Variants in SLC12A6 observed in about 807,000 individuals in gnomAD.
SLC12A6 encodes K-Cl cotransporter 3.
A neutral mutation model predicts 135.3 loss-of-function variants in SLC12A6; 66 were observed. That is an observed-to-expected ratio of 0.49 (90% confidence interval 0.40 to 0.60). The LOEUF is 0.60. SLC12A6 is among the 20% of genes least tolerant of loss of function. The probability of loss-of-function intolerance (pLI) is 0.00; values close to 1 mark genes in which losing one functional copy is unlikely to be tolerated. For synonymous variants in SLC12A6, 513 were observed against 508.8 expected, an observed-to-expected ratio of 1.01 and a Z score of -0.11; for missense variants, 1,058 against 1,452.3, an observed-to-expected ratio of 0.73 and a Z score of 4.41.
intron 23 of SLC12A6, 57 bp downstream of exon 23, chr15:34,236,651 C>T (rs1377520930): frequency 1.9e-6 from 2 of 1,049,800 alleles, no homozygotes; most frequent in Non-Finnish European, 3.0e-6. Context: ...CCAGTATCAT[C>T]CCTTTCAGTG....
rs1158701066 is a variant in SLC12A6, at chr15:34,239,100, C to T, written c.2497G>A (p.Ala833Thr). ...VKGFCQLVVA[A>T]KLREGISHLI... ...TGGGAAATGCCCTCTCTCAGCTTGG[C>T]GGCCACCACCAGCTGGCAGAATCCT... The change falls in exon 20 of 26, where the codon GCC becomes ACC. Residue 833 changes from alanine (A) to threonine (T), a missense_variant. Coordinates refer to ENST00000354181, the MANE Select transcript of SLC12A6 (RefSeq NM_001365088.1). The T allele has an allele frequency of 1.5e-5, 25 of 1,613,846 alleles. No individual in the cohort carries two copies. Among genetic ancestry groups the T allele is most frequent in the South Asian group, 1.1e-4 (10 of 91,080 alleles).
intron 2 of SLC12A6, among the ~76,000 whole-genome samples, chr15:34,309,287 G>A (rs1887983230): frequency 1.3e-5 from 2 of 152,134 alleles, no homozygotes; most frequent in African/African-American, 4.8e-5. Flanking sequence ...AATTCAGCCC[G>A]AAATTTAAAA....
chr15:34,295,809 A>G (rs1256020094), intron 2 of SLC12A6, among the ~76,000 whole-genome samples: 3 of 152,076 alleles, frequency 2.0e-5, no homozygotes, highest in African/African-American at 7.2e-5. Context: ...GACTAGCCTG[A>G]CCAACATAGA....
intron 2 of SLC12A6, among the ~76,000 whole-genome samples, chr15:34,329,383 A>G (rs8031147): frequency 0.19 from 28,181 of 152,272 alleles, 2,921 homozygotes; most frequent in East Asian, 0.33. Context: ...TGCCTTAAAC[A>G]TCAGCATTAG....
chr15:34,294,592 G>A lies in SLC12A6; in HGVS notation c.272-19203C>T, dbSNP rs187420307. 2.2e-3 allele frequency among the ~76,000 whole-genome samples: 338 copies of A among 151,750 alleles called. 3 individuals are homozygous for A. The highest frequency in any genetic ancestry group is 8.0e-3 in the African/African-American group (331 of 41,372). Reference sequence around the variant, plus strand: ...TTTTTAATTTTATTTTTAAGATACAGGGTCTTGTTCTGTTGCTCATGATTG... The same window carrying A: ...TTTTTAATTTTATTTTTAAGATACAAGGTCTTGTTCTGTTGCTCATGATTG... On this transcript the variant is annotated intron_variant, in intron 2 of 25. Coordinates refer to ENST00000354181, the MANE Select transcript of SLC12A6 (RefSeq NM_001365088.1).
Position 34,252,234 on chromosome 15 carries a change from G to A in SLC12A6, c.1269C>T (p.Tyr423=), listed in dbSNP as rs114911287. The A allele has an allele frequency of 1.0e-3, 1,636 of 1,608,434 alleles. 17 individuals carry two copies. In the African/African-American group the frequency reaches 0.02, roughly 20 times the overall value. Residue 423 remains tyrosine (Y), a synonymous_variant, in exon 10 of 26, where the codon TAC becomes TAT. Coordinates refer to ENST00000354181, the MANE Select transcript of SLC12A6 (RefSeq NM_001365088.1). ...TTGAAGTGACGTTATTGTGAACAAA[G>A]TATTCATCACAGGTGGCATTGAAAA... ...SQFFNATCDE[Y]FVHNNVTSIQ...
At chr15:34,310,401 ACTC>A (rs1471511365) in intron 2 of SLC12A6, among the ~76,000 whole-genome samples, 3 of 59,272 alleles carry the variant, frequency 5.1e-5, no homozygotes, top group Admixed American at 2.4e-4. Context: ...CTGGTGTTGA[ACTC>A]CTGGGCTCAA....
At chr15:34,241,617 A>G (rs1184553110) in intron 17 of SLC12A6, among the ~76,000 whole-genome samples, 1 of 152,230 alleles carries the variant, frequency 6.6e-6, no homozygotes, top group Non-Finnish European at 1.5e-5. Flanking sequence ...AATGTAAAAG[A>G]GCAATTTAGA....
intron 2 of SLC12A6, among the ~76,000 whole-genome samples, chr15:34,310,122 C>T (rs1888048579): frequency 6.6e-6 from 1 of 151,844 alleles, no homozygotes; most frequent in Non-Finnish European, 1.5e-5. Context: ...AATCCTCCCA[C>T]CTCAGCCTTC....
intron 25 of SLC12A6, among the ~76,000 whole-genome samples, chr15:34,234,535 C>A (rs958153429): frequency 1.3e-5 from 2 of 152,090 alleles, no homozygotes; most frequent in Non-Finnish European, 2.9e-5. Flanking sequence ...CCACACCCAG[C>A]TAACTTTTCT....
chr15:34,309,230 AAATT>A (rs1887978640), intron 2 of SLC12A6, among the ~76,000 whole-genome samples: 1 of 152,208 alleles, frequency 6.6e-6, no homozygotes, highest in Non-Finnish European at 1.5e-5. Flanking sequence ...TCGATTCTTT[AAATT>A]TACCAGCTTA....
At chr15:34,256,138 T>C in intron 7 of SLC12A6, 91 bp downstream of exon 7, 1 of 822,052 alleles carries the variant, frequency 1.2e-6, no homozygotes, top group Non-Finnish European at 2.2e-6. Context: ...CAAATAGTAT[T>C]CTATTCTTCA....
chr15:34,282,724 C>CTCAT (rs1894769362), intron 2 of SLC12A6, among the ~76,000 whole-genome samples: 2 of 151,832 alleles, frequency 1.3e-5, no homozygotes, highest in South Asian at 4.2e-4. Flanking sequence ...CACTCACTCA[C>CTCAT]TCATTCATTC....
rs775508100 is a variant in SLC12A6, at chr15:34,336,682, T to C, written c.-2A>G. 7 of 1,613,936 alleles carry C rather than the reference T, an allele frequency of 4.3e-6. No homozygotes were observed. In the Admixed American group the frequency reaches 5.0e-5, roughly 12 times the overall value. Reference sequence around the variant, plus strand: ...GGTGGTGGTTTCTGGAGGATGCATTTTGTTCTTTTTAAGAACAAAAAAAGT... The same window carrying C: ...GGTGGTGGTTTCTGGAGGATGCATTCTGTTCTTTTTAAGAACAAAAAAAGT... On this transcript the variant is annotated 5_prime_UTR_variant, in exon 2 of 26. Coordinates refer to ENST00000354181, the MANE Select transcript of SLC12A6 (RefSeq NM_001365088.1).
At chr15:34,318,897 A>G in intron 2 of SLC12A6, 2 of 1,215,302 alleles carry the variant, frequency 1.6e-6, no homozygotes, top group Non-Finnish European at 2.2e-6. Context: ...CATTCACTTA[A>G]AAGGATTAAG....
intron 2 of SLC12A6, among the ~76,000 whole-genome samples, chr15:34,319,289 C>T (rs1233047636): frequency 3.3e-5 from 5 of 151,462 alleles, no homozygotes; most frequent in Non-Finnish European, 5.9e-5. Context: ...ACATGTGCCA[C>T]CATGCCCAGC....
At chr15:34,318,964 G>C (rs1888856326) in intron 2 of SLC12A6, 1 of 245,664 alleles carries the variant, frequency 4.1e-6, no homozygotes, top group Non-Finnish European at 6.5e-6. Context: ...AGTTTAGCCT[G>C]CTTCCCAAAG....
rs886051041 is a variant in SLC12A6, at chr15:34,231,587, TCTTTC to T, written c.*2289_*2293del. On this transcript the variant is annotated 3_prime_UTR_variant, in exon 26 of 26. Coordinates refer to ENST00000354181, the MANE Select transcript of SLC12A6 (RefSeq NM_001365088.1). ...ATCAAAATTACTCAATTTCTTTCTT[TCTTTC>T]TTTTTTTTTTTTTTTGAGATGGAGT... 3.1e-3 allele frequency: 366 copies of T among 119,378 alleles called. 10 individuals are homozygous for T. The highest frequency in any genetic ancestry group is 0.016 in the Middle Eastern group (3 of 184). 7.4% of individuals were successfully genotyped at this position (119,378 alleles called of 1,614,324 possible).
chr15:34,319,171 T>A (rs1042754125), intron 2 of SLC12A6, among the ~76,000 whole-genome samples: 6 of 146,602 alleles, frequency 4.1e-5, no homozygotes, highest in African/African-American at 1.6e-4. Context: ...TCGCTCGCCC[T>A]GTTGTCCAGC....
Sources: allele counts gnomAD v4.1 joint callset (sites outside exome capture counted in the v4.1 genomes callset), GRCh38; gene constraint gnomAD v4.1.1; transcripts MANE v1.5; gene names NCBI Gene and HGNC (gene_info 2026-07-23, HGNC 2026-07-21).